Variants in CLDN16 observed in about 807,000 individuals in gnomAD.
The protein encoded by CLDN16 is claudin-16.
In CLDN16, 13 loss-of-function variants were observed where a neutral mutation model predicts 24.6. That is an observed-to-expected ratio of 0.53 (90% CI 0.34 to 0.84). The LOEUF is 0.84. Among genes scored for constraint, CLDN16 ranks in the 40% least tolerant of loss-of-function variants. CLDN16 has a pLI of 0.01. For missense variants in CLDN16, 298 were observed against 292.7 expected (o/e 1.02, Z -0.13); for synonymous variants, 116 against 106.7 (o/e 1.09, Z -0.54).
At chr3:190,290,932 T>G in the CLDN16 span, among the ~76,000 whole-genome samples, 1 of 152,128 alleles carries the variant, frequency 6.6e-6, no homozygotes, top group Non-Finnish European at 1.5e-5. Context: ...AGCCAATAAC[T>G]GTCAGTTGGT....
intron 3 of CLDN16, among the ~76,000 whole-genome samples, chr3:190,381,610 T>C (rs1718374377): frequency 6.6e-6 from 1 of 152,080 alleles, no homozygotes; most frequent in Non-Finnish European, 1.5e-5. Context: ...CACCAGTGTA[T>C]TGGAATAAAA....
At chr3:190,374,350 C>T (rs1021848551) in intron 2 of CLDN16, among the ~76,000 whole-genome samples, 1 of 149,116 alleles carries the variant, frequency 6.7e-6, no homozygotes, top group African/African-American at 2.5e-5. Flanking sequence ...CCTTAATTTG[C>T]ACAGGGCCAA....
At chr3:190,343,717 C>A (rs1157502233) in intron 1 of CLDN16, among the ~76,000 whole-genome samples, 6 of 151,942 alleles carry the variant, frequency 3.9e-5, no homozygotes, top group Admixed American at 3.9e-4. Flanking sequence ...AGAAAAATAT[C>A]ACATGACTTC....
At chr3:190,305,534 A>G in the CLDN16 span, among the ~76,000 whole-genome samples, 2 of 152,164 alleles carry the variant, frequency 1.3e-5, no homozygotes, top group Admixed American at 6.5e-5. Context: ...GAGGAACTCA[A>G]TTTGAGAGAA....
intron 1 of CLDN16, among the ~76,000 whole-genome samples, chr3:190,335,013 TTTC>T (rs1382422330): frequency 8.0e-6 from 1 of 124,870 alleles, no homozygotes; most frequent in Non-Finnish European, 1.6e-5. Context: ...TTTCTTTCCT[TTTC>T]TTTTTTCTTT....
At chr3:190,341,701 C>T (rs28883895) in intron 1 of CLDN16, among the ~76,000 whole-genome samples, 4 of 152,096 alleles carry the variant, frequency 2.6e-5, no homozygotes, top group South Asian at 2.1e-4. Context: ...GATTTCTCCC[C>T]GCAGAATGAG....
rs893683857 is a variant in CLDN16 at position 190,322,600 on chromosome 3, G to A, written n.60G>A. On this transcript the variant is annotated non_coding_transcript_exon_variant, in exon 1 of 5. Transcript: ENST00000468220. ...GCGGCTGGCGGCGTGGGGACCACCC[G>A]GCAGGACCAGGCACCAGAGCTGCGT... 5.2e-4 allele frequency: 159 copies of A among 304,546 alleles called. 2 individuals are homozygous for A. Among genetic ancestry groups the A allele is most frequent in the African/African-American group, 3.6e-3 (155 of 43,566 alleles). The allele number at this position is 304,546 out of a possible 1,614,324, so 18.9% of individuals were successfully genotyped here. A position where few individuals can be genotyped will look rare whatever the true frequency, so the allele number is the denominator to read the frequency against.
rs147643334 is a variant in CLDN16, at chr3:190,392,250, T to C, written c.114+3807T>C. Among the ~76,000 whole-genome samples the C allele has an allele frequency of 2.5e-3, 382 of 152,088 alleles. 3 individuals are homozygous for C. The highest frequency in any genetic ancestry group is 9.0e-3 in the African/African-American group (372 of 41,510). On this transcript the variant is annotated intron_variant, in intron 1 of 4. Coordinates refer to ENST00000264734, the MANE Select transcript of CLDN16 (RefSeq NM_006580.4). ...CTTCATTCCAACTTCTCTTTTTCCT[T>C]CATTTCCTTGTTCCTTCCTTCCTCT...
intron 1 of CLDN16, among the ~76,000 whole-genome samples, chr3:190,348,916 G>A (rs4687135): frequency 0.65 from 98,545 of 151,916 alleles, 33,256 homozygotes; most frequent in East Asian, 0.93. Flanking sequence ...AACATGTGAT[G>A]TCTGGTTTTC....
At chr3:190,379,326 C>A (rs893932808) in intron 3 of CLDN16, among the ~76,000 whole-genome samples, 1 of 152,042 alleles carries the variant, frequency 6.6e-6, no homozygotes, top group African/African-American at 2.4e-5. Flanking sequence ...TTAGAAGGAT[C>A]TCTTTAGAAT....
At chr3:190,290,388 G>A in the CLDN16 span, among the ~76,000 whole-genome samples, 4 of 152,136 alleles carry the variant, frequency 2.6e-5, no homozygotes. Flanking sequence ...TGTCTGTGAA[G>A]GCTAAAAGAA....
the CLDN16 span, among the ~76,000 whole-genome samples, chr3:190,304,215 G>A: frequency 6.6e-6 from 1 of 152,132 alleles, no homozygotes; most frequent in African/African-American, 2.4e-5. Flanking sequence ...TGGGTCTAAG[G>A]CCTTCATTTT....
chr3:190,394,856 G>A (rs1018496714), intron 1 of CLDN16, among the ~76,000 whole-genome samples: 2 of 152,044 alleles, frequency 1.3e-5, no homozygotes, highest in African/African-American at 4.8e-5. Flanking sequence ...TTCAGGATAT[G>A]TATTTGGTTC....
upstream of CLDN16, among the ~76,000 whole-genome samples, chr3:190,318,735 C>T (rs116566438): frequency 9.3e-3 from 1,411 of 152,324 alleles, 22 homozygotes; most frequent in African/African-American, 0.032. Context: ...CGAGTACCCT[C>T]GGTTCAGCAG....
chr3:190,369,299 C>T (rs917772937), intron 1 of CLDN16, among the ~76,000 whole-genome samples: 2 of 151,910 alleles, frequency 1.3e-5, no homozygotes, highest in Non-Finnish European at 1.5e-5. Flanking sequence ...CTTTTCTTTC[C>T]TCTGTAATGA....
chr3:190,354,143 T>C (rs1176052441), intron 1 of CLDN16, among the ~76,000 whole-genome samples: 1 of 152,034 alleles, frequency 6.6e-6, no homozygotes, highest in African/African-American at 2.4e-5. Flanking sequence ...CTCTCTTTTA[T>C]AAAGATACTG....
upstream of CLDN16, among the ~76,000 whole-genome samples, chr3:190,320,076 G>T (rs1369864653): frequency 6.6e-6 from 1 of 151,898 alleles, no homozygotes; most frequent in Non-Finnish European, 1.5e-5. Context: ...GTGTGTGTGG[G>T]GGGGTAGGTA....
At chr3:190,344,676 A>G (rs1717513734) in intron 1 of CLDN16, among the ~76,000 whole-genome samples, 1 of 151,868 alleles carries the variant, frequency 6.6e-6, no homozygotes, top group African/African-American at 2.4e-5. Flanking sequence ...TCCATAAAAA[A>G]GTAGCATAAG....
chr3:190,340,154 G>GA (rs1717395453), intron 1 of CLDN16, among the ~76,000 whole-genome samples: 1 of 152,128 alleles, frequency 6.6e-6, no homozygotes, highest in Non-Finnish European at 1.5e-5. Context: ...GGTATAGAAG[G>GA]AAAGTTCCTC....
Sources: gnomAD v4.1 joint callset for allele counts (sites outside exome capture counted in the v4.1 genomes callset) on GRCh38, gnomAD v4.1.1 for gene constraint, MANE v1.5 for transcripts, NCBI Gene and HGNC (gene_info 2026-07-23, HGNC 2026-07-21) for gene names.